The following ERI3 variants were observed in gnomAD, a reference collection of about 807,000 sequenced individuals.
The protein encoded by ERI3 is ERI1 exoribonuclease 3.
Under a neutral mutation model 44.4 loss-of-function variants are expected in ERI3, and 18 were observed. The ratio of observed to expected loss-of-function variants is 0.41; its 90% CI spans 0.28 to 0.60. The LOEUF (loss-of-function observed/expected upper bound fraction) is 0.60, where lower values mean the gene tolerates loss of function less well. Ranked by LOEUF, ERI3 falls within the 20% of genes least tolerant of loss-of-function variation. The pLI, the probability that ERI3 is intolerant of heterozygous loss-of-function variation, is 0.36. For synonymous variants in ERI3, 183 were observed against 164.8 expected (o/e 1.11, Z -0.84); for missense variants, 294 against 435.5 (o/e 0.68, Z 2.89).
chr1:44,308,175 T>G (rs1645879709), intron 6 of ERI3, 135 bp downstream of exon 6: 2 of 709,166 alleles, frequency 2.8e-6, no homozygotes, highest in South Asian at 3.5e-5. Context: ...CCCAACCGTC[T>G]TCTATCCCTG....
chr1:44,288,088 T>G (rs1645431472), intron 6 of ERI3, among the ~76,000 whole-genome samples: 1 of 152,108 alleles, frequency 6.6e-6, no homozygotes, highest in African/African-American at 2.4e-5. Flanking sequence ...TCTAGGTCAG[T>G]AGGATGATGC....
chr1:44,335,169 A>G (rs1248334948), intron 3 of ERI3, among the ~76,000 whole-genome samples: 1 of 151,884 alleles, frequency 6.6e-6, no homozygotes, highest in Non-Finnish European at 1.5e-5. Context: ...GTGAGACCCC[A>G]TCATTATAAA....
At chr1:44,353,068 T>C in intron 1 of ERI3, 143 bp from the exon 2 acceptor site, 1 of 1,473,834 alleles carries the variant, frequency 6.8e-7, no homozygotes, top group Non-Finnish European at 9.0e-7. Flanking sequence ...CCCACAGAGC[T>C]TTCAGAAACT....
chr1:44,340,056 G>C (rs1236410153), intron 2 of ERI3, among the ~76,000 whole-genome samples: 1 of 151,244 alleles, frequency 6.6e-6, no homozygotes, highest in South Asian at 2.1e-4. Context: ...ATGACTGCGG[G>C]ACTTTTTAAA....
intron 4 of ERI3, among the ~76,000 whole-genome samples, chr1:44,314,119 A>G (rs958373398): frequency 6.7e-6 from 1 of 149,682 alleles, no homozygotes; most frequent in African/African-American, 2.4e-5. Context: ...AGTATCTCAG[A>G]CTTGCTTGGA....
rs537108608 is a variant in ERI3, at chr1:44,314,730, C to G, written c.607-1502G>C. ...AATCTTGGAGTACAAAGGACTCCTC[C>G]TTTTATTTAGTCAACAACTATTCAT... On this transcript the variant is annotated intron_variant, in intron 4 of 8. Transcript: ENST00000372257. Among the ~76,000 whole-genome samples, 15 of 152,288 alleles carry G rather than the reference C, an allele frequency of 9.8e-5. 2 individuals carry two copies. Among genetic ancestry groups the G allele is most frequent in the African/African-American group, 3.6e-4 (15 of 41,552 alleles).
intron 3 of ERI3, among the ~76,000 whole-genome samples, chr1:44,324,742 A>G (rs1170090930): frequency 6.6e-6 from 1 of 152,082 alleles, no homozygotes; most frequent in East Asian, 1.9e-4. Flanking sequence ...TCAGCCTCCC[A>G]AAGTGTTGGG....
At position 44,252,799 on chromosome 1, in the gene ERI3, C is replaced by T. The variant is rs1237752767; in HGVS notation, c.832-4761G>A. Among the ~76,000 whole-genome samples, 2 of 152,164 alleles carry T rather than the reference C, an allele frequency of 1.3e-5. No individual in the cohort carries two copies. Among genetic ancestry groups the T allele is most frequent in the Non-Finnish European group, 2.9e-5 (2 of 68,038 alleles). ...ACCAGGACCCTCAGAGTGGAGTGGA[C>T]GCACAGTGGGAAGGGCTGTGGTTGG... On this transcript the variant is annotated intron_variant, in intron 7 of 8. Coordinates refer to ENST00000372257, the MANE Select transcript of ERI3 (RefSeq NM_024066.3). The surrounding 1 kb of genome is among the most constrained non-coding windows in gnomAD (Gnocchi z 4.7).
chr1:44,226,205 G>A (rs1452551940), intron 8 of ERI3, among the ~76,000 whole-genome samples: 1 of 151,926 alleles, frequency 6.6e-6, no homozygotes, highest in Non-Finnish European at 1.5e-5. Flanking sequence ...TCAGATGGGT[G>A]GGGGGATGAA....
At chr1:44,354,452 G>A in intron 1 of ERI3, 3 of 985,372 alleles carry the variant, frequency 3.0e-6, no homozygotes, top group Non-Finnish European at 3.6e-6. Flanking sequence ...AACACCTGTT[G>A]CTGGACCATT....
chr1:44,286,939 C>T (rs1422432325), intron 6 of ERI3, among the ~76,000 whole-genome samples: 1 of 152,166 alleles, frequency 6.6e-6, no homozygotes, highest in African/African-American at 2.4e-5. Flanking sequence ...CAACCTATCC[C>T]CATTCCCAAA....
chr1:44,289,451 C>T (rs1645458819), intron 6 of ERI3, among the ~76,000 whole-genome samples: 1 of 152,254 alleles, frequency 6.6e-6, no homozygotes, highest in Non-Finnish European at 1.5e-5. Flanking sequence ...CTCTCTATTC[C>T]ATCCAGGGAA....
At chr1:44,332,046 A>G (rs888412127) in intron 3 of ERI3, among the ~76,000 whole-genome samples, 3 of 152,184 alleles carry the variant, frequency 2.0e-5, no homozygotes, top group African/African-American at 7.2e-5. Flanking sequence ...TTGTCTTTAT[A>G]CCCCTAGCAT....
chr1:44,281,147 A>C (rs574672272), intron 7 of ERI3, among the ~76,000 whole-genome samples: 1 of 152,232 alleles, frequency 6.6e-6, no homozygotes, highest in South Asian at 2.1e-4. Flanking sequence ...CTCTGACCCT[A>C]CCCTACTAAG....
At chr1:44,278,651 C>T (rs1645227240) in intron 7 of ERI3, among the ~76,000 whole-genome samples, 1 of 152,144 alleles carries the variant, frequency 6.6e-6, no homozygotes, top group Non-Finnish European at 1.5e-5. Flanking sequence ...GCCTGGAGTG[C>T]TGTGGCACAA....
At chr1:44,247,841 T>C in intron 8 of ERI3, 98 bp downstream of exon 8, 1 of 933,732 alleles carries the variant, frequency 1.1e-6, no homozygotes, top group Non-Finnish European at 1.6e-6. Context: ...GTTGGGGCAC[T>C]GAATGAGCCA....
In ERI3 at chr1:44,252,351, G is replaced by A. The variant is rs749532245; in HGVS notation, c.832-4313C>T. 4.6e-5 allele frequency among the ~76,000 whole-genome samples: 7 copies of A among 152,244 alleles called. No individual in the cohort carries two copies. The highest frequency in any genetic ancestry group is 1.2e-4 in the African/African-American group (5 of 41,466). On this transcript the variant is annotated intron_variant, in intron 7 of 8. Coordinates refer to ENST00000372257, the MANE Select transcript of ERI3 (RefSeq NM_024066.3). The surrounding 1 kb of genome is among the most constrained non-coding windows in gnomAD (Gnocchi z 4.7). The stretch of plus-strand genomic sequence containing the variant: ...TGCTCCCGGCTGGCTCTCCCCTCTC[G>A]TGGCTCTGCCCGCCTTGGCTGCTGC...
intron 7 of ERI3, among the ~76,000 whole-genome samples, chr1:44,281,583 G>A (rs1243588942): frequency 4.8e-5 from 4 of 83,214 alleles, no homozygotes; most frequent in East Asian, 2.7e-4. Flanking sequence ...GTGAGACCCC[G>A]TCTCGAAAAA....
intron 4 of ERI3, among the ~76,000 whole-genome samples, chr1:44,317,857 T>G (rs1287003148): frequency 6.6e-6 from 1 of 151,796 alleles, no homozygotes; most frequent in Non-Finnish European, 1.5e-5. Context: ...AGGTGGGAGA[T>G]GAAGCAGAGA....
Sources: allele counts gnomAD v4.1 joint callset (sites outside exome capture counted in the v4.1 genomes callset), GRCh38; gene constraint gnomAD v4.1.1; non-coding constraint Gnocchi (gnomAD v3.1); transcripts MANE v1.5; gene names NCBI Gene and HGNC (gene_info 2026-07-23, HGNC 2026-07-21).